KATNA1: variants seen among roughly 807,000 people sequenced by gnomAD.
KATNA1 encodes katanin catalytic subunit A1.
In KATNA1, 42 loss-of-function variants were observed where a neutral mutation model predicts 62.6. That is an observed-to-expected ratio of 0.67 (90% CI 0.52 to 0.87). The LOEUF (loss-of-function observed/expected upper bound fraction) is 0.87, where lower values mean the gene tolerates loss of function less well. Among genes scored for constraint, KATNA1 ranks in the 40% least tolerant of loss-of-function variants. KATNA1 has a pLI of 0.00. For missense variants in KATNA1, 498 were observed against 612.5 expected, an observed-to-expected ratio of 0.81 and a Z score of 1.97; for synonymous variants, 186 against 201.9, an observed-to-expected ratio of 0.92 and a Z score of 0.67.
intron 3 of KATNA1, among the ~76,000 whole-genome samples, chr6:149,625,890 C>T (rs1479814031): frequency 2.0e-5 from 3 of 151,360 alleles, no homozygotes; most frequent in Non-Finnish European, 2.9e-5. Flanking sequence ...GCCGAGCTCA[C>T]GCCACTGCAC....
chr6:149,603,240 G>T, intron 6 of KATNA1, 28 bp downstream of exon 6: 2 of 944,162 alleles, frequency 2.1e-6, no homozygotes, highest in South Asian at 3.0e-5. Flanking sequence ...CATTTACTTT[G>T]ACAATGCCAT....
chr6:149,645,532 G>A (rs1374774257), intron 1 of KATNA1, among the ~76,000 whole-genome samples: 2 of 151,704 alleles, frequency 1.3e-5, no homozygotes, highest in Non-Finnish European at 2.9e-5. Flanking sequence ...CAATCTATTG[G>A]TTCAACATTA....
Position 149,595,040 on chromosome 6 carries a change from C to G in KATNA1, c.1472G>C (p.Cys491Ser). 6.2e-7 allele frequency: 1 copy of G among 1,612,690 alleles called. No homozygotes were observed. The highest frequency in any genetic ancestry group is 1.1e-5 in the South Asian group (1 of 91,014). ...YEKWIFEFGS[C>S] The stretch of plus-strand genomic sequence containing the variant: ...TCACAGTTTACATGTGAGAATTTAG[C>G]ATGATCCAAACTCAAATATCCATTT... The change falls in exon 11 of 11, where the codon TGC becomes TCC. Residue 491 changes from cysteine to serine, a missense_variant. Around this residue, in one of 3 missense-constraint regions of KATNA1, gnomAD observed 267 missense variants for 372.6 expected, o/e 0.72. Transcript: ENST00000367411.
intron 2 of KATNA1, among the ~76,000 whole-genome samples, chr6:149,637,174 G>A (rs1359156653): frequency 6.6e-6 from 1 of 152,012 alleles, no homozygotes; most frequent in East Asian, 2.0e-4. Flanking sequence ...CACTTAGGGA[G>A]GCTGAGGTGG....
At chr6:149,616,387 G>A (rs1162950640) in intron 4 of KATNA1, among the ~76,000 whole-genome samples, 1 of 152,204 alleles carries the variant, frequency 6.6e-6, no homozygotes, top group Non-Finnish European at 1.5e-5. Context: ...CATTGATGAG[G>A]ATGTAGAGAA....
chr6:149,617,764 G>A lies in KATNA1; in HGVS notation c.501+5339C>T, dbSNP rs191970666. ...AGCCTGACCAATATGGTGAAACCCC[G>A]TCTCTACTAAAAAACACAAAAATTA... On this transcript the variant is annotated intron_variant, in intron 4 of 10. Coordinates refer to ENST00000367411, the MANE Select transcript of KATNA1 (RefSeq NM_007044.4). 7.1e-3 allele frequency among the ~76,000 whole-genome samples: 1,086 copies of A among 152,002 alleles called. 11 individuals are homozygous for A. The highest frequency in any genetic ancestry group is 0.025 in the African/African-American group (1,026 of 41,468).
chr6:149,642,427 C>T (rs1161971955), intron 1 of KATNA1, among the ~76,000 whole-genome samples: 1 of 152,138 alleles, frequency 6.6e-6, no homozygotes, highest in Non-Finnish European at 1.5e-5. Flanking sequence ...ACCCAGCAAT[C>T]CCACTCTTGT....
intron 7 of KATNA1, among the ~76,000 whole-genome samples, chr6:149,599,285 T>C (rs912782971): frequency 6.6e-6 from 1 of 151,236 alleles, no homozygotes; most frequent in Non-Finnish European, 1.5e-5. Context: ...TCCAAGAAAA[T>C]TCTCAACTAA....
In KATNA1 at chr6:149,628,082, C is replaced by T. The variant is rs1188789840; in HGVS notation, c.320+4677G>A. On this transcript the variant is annotated intron_variant, in intron 3 of 10. Coordinates refer to ENST00000367411, the MANE Select transcript of KATNA1 (RefSeq NM_007044.4). ...TATGTCTAACCTTTTCTATATAAGG[C>T]TTTAATGAACCTCCTTGTACTCACA... Among the ~76,000 whole-genome samples, 10 of 151,760 alleles carry T rather than the reference C, an allele frequency of 6.6e-5. No individual in the cohort carries two copies. In the East Asian group the frequency reaches 1.7e-3, roughly 26 times the overall value.
Position 149,603,360 on chromosome 6 carries a change from CAGCGATATCATCCCTGAAAG to C in KATNA1, c.624-7_636del. The C allele has an allele frequency of 6.4e-7, 1 of 1,551,688 alleles. No individual in the cohort carries two copies. The highest frequency in any genetic ancestry group is 1.1e-5 in the South Asian group (1 of 88,186). On this transcript the variant is annotated splice_acceptor_variant and splice_polypyrimidine_tract_variant and coding_sequence_variant and intron_variant, in exon 6 of 11. Transcript: ENST00000367411. LOFTEE classifies it high-confidence loss of function. ...AGCAACTTTTTAGCTTCTACTAAAT[CAGCGATATCATCCCTGAAAG>C]AGAAGACATTTTATTAACAACCCTT...
intron 2 of KATNA1, 48 bp downstream of exon 2, chr6:149,638,338 C>T (rs577723607): frequency 1.9e-6 from 3 of 1,564,502 alleles, no homozygotes; most frequent in South Asian, 2.3e-5. Flanking sequence ...TAAATTTTCT[C>T]TTCCGAGTAC....
At chr6:149,635,224 C>T (rs1780023817) in intron 2 of KATNA1, among the ~76,000 whole-genome samples, 1 of 152,034 alleles carries the variant, frequency 6.6e-6, no homozygotes, top group Non-Finnish European at 1.5e-5. Context: ...CTGCAGTGAG[C>T]CATGATTGCA....
chr6:149,644,345 G>C (rs901242324), intron 1 of KATNA1, among the ~76,000 whole-genome samples: 1 of 151,966 alleles, frequency 6.6e-6, no homozygotes, highest in African/African-American at 2.4e-5. Flanking sequence ...AAATAGTCAG[G>C]CATGGTGGTT....
intron 2 of KATNA1, among the ~76,000 whole-genome samples, chr6:149,636,709 C>T (rs1315575586): frequency 6.6e-6 from 1 of 151,184 alleles, no homozygotes; most frequent in Non-Finnish European, 1.5e-5. Context: ...GGTGCGATCT[C>T]GGCTCACTGC....
intron 3 of KATNA1, among the ~76,000 whole-genome samples, chr6:149,630,132 T>C (rs1387867428): frequency 1.3e-5 from 2 of 152,232 alleles, no homozygotes; most frequent in African/African-American, 4.8e-5. Context: ...AGGATGACTA[T>C]GTGATTTTCC....
At chr6:149,632,010 AT>A (rs1276756173) in intron 3 of KATNA1, among the ~76,000 whole-genome samples, 1 of 152,148 alleles carries the variant, frequency 6.6e-6, no homozygotes, top group Non-Finnish European at 1.5e-5. Flanking sequence ...AAAATTTTCC[AT>A]TTTTCATTAT....
intron 4 of KATNA1, among the ~76,000 whole-genome samples, chr6:149,618,131 G>C (rs1420714535): frequency 6.8e-6 from 1 of 147,506 alleles, no homozygotes; most frequent in Non-Finnish European, 1.5e-5. Context: ...CTCCAGCCTG[G>C]TGACAGAGCA....
intron 4 of KATNA1, among the ~76,000 whole-genome samples, chr6:149,617,004 CAACATGGCAAAATCCCTAA>C (rs1368408028): frequency 1.3e-5 from 2 of 152,166 alleles, no homozygotes; most frequent in African/African-American, 4.8e-5. Context: ...TGACATACTA[CAACATGGCAAAATCCCTAA>C]AACACTATGC....
At position 149,595,191 on chromosome 6, in the gene KATNA1, T is replaced by G; in HGVS notation, c.1321A>C (p.Thr441Pro). 6 of 1,614,080 alleles carry G rather than the reference T, an allele frequency of 3.7e-6. No homozygotes were observed. Among genetic ancestry groups the G allele is most frequent in the Non-Finnish European group, 5.1e-6 (6 of 1,179,994 alleles). Residue 441 changes from threonine (T) to proline (P), a missense_variant, in exon 11 of 11, where the codon ACT becomes CCT. Coordinates refer to ENST00000367411, the MANE Select transcript of KATNA1 (RefSeq NM_007044.4). ...MAMRRRIEGL[T>P]PEEIRNLSKE... Reference sequence around the variant, plus strand: ...GAAAGATTTCGGATTTCCTCTGGAGTCAAACCTTCAATGCGCCTTCTCATT... The same window carrying G: ...GAAAGATTTCGGATTTCCTCTGGAGGCAAACCTTCAATGCGCCTTCTCATT...
Sources: gnomAD v4.1 joint callset for allele counts (sites outside exome capture counted in the v4.1 genomes callset) on GRCh38, gnomAD v4.1.1 for gene constraint, gnomAD v4.1.1 regional missense constraint, MANE v1.5 for transcripts, NCBI Gene and HGNC (gene_info 2026-07-23, HGNC 2026-07-21) for gene names.